Variants in MDGA2 observed in about 807,000 individuals in gnomAD.
MDGA2 encodes the protein MAM domain containing glycosylphosphatidylinositol anchor 2.
In MDGA2, 40 loss-of-function variants were observed where a neutral mutation model predicts 117.8. The ratio of observed to expected loss-of-function variants is 0.34; its 90% CI spans 0.26 to 0.44. The LOEUF (loss-of-function observed/expected upper bound fraction) is 0.44. Among genes scored for constraint, MDGA2 ranks in the 20% least tolerant of loss-of-function variants. The pLI, the probability that MDGA2 is intolerant of heterozygous loss-of-function variation, is 1.00. For missense variants in MDGA2, 1,123 were observed against 1,250.6 expected, an observed-to-expected ratio of 0.90 and a Z score of 1.54; for synonymous variants, 452 against 439.0, an observed-to-expected ratio of 1.03 and a Z score of -0.37.
chr14:47,108,946 T>A (rs879433123), intron 5 of MDGA2, among the ~76,000 whole-genome samples: 76 of 152,138 alleles, frequency 5.0e-4, no homozygotes, highest in Non-Finnish European at 9.3e-4. Context: ...TGACAAGGTA[T>A]GATGAAGAAA....
intron 1 of MDGA2, among the ~76,000 whole-genome samples, chr14:47,565,093 T>C (rs1245120393): frequency 6.6e-6 from 1 of 152,166 alleles, no homozygotes; most frequent in South Asian, 2.1e-4. Flanking sequence ...CTATCTGTAT[T>C]CTGAATTCTG....
intron 13 of MDGA2, 147 bp from the exon 14 acceptor site, chr14:46,873,738 G>T: frequency 4.5e-6 from 3 of 667,712 alleles, no homozygotes; most frequent in Admixed American, 7.0e-5. Flanking sequence ...ATGTGTATAT[G>T]TAACTAATAG....
rs373399155 is a variant in MDGA2, at chr14:47,108,405, G to C, written c.926-11282C>G. On this transcript the variant is annotated intron_variant, in intron 5 of 16. Coordinates refer to ENST00000399232, the MANE Select transcript of MDGA2 (RefSeq NM_001113498.3). ...GGCCTGAAGTAACTGAAGAATCACAGAAGAAGTGAATATGCCTTGCCCCAC... is the reference window on the plus strand; with the variant it reads ...GGCCTGAAGTAACTGAAGAATCACACAAGAAGTGAATATGCCTTGCCCCAC... Among the ~76,000 whole-genome samples, 105 of 150,804 alleles carry C rather than the reference G, an allele frequency of 7.0e-4. 2 individuals carry two copies. The highest frequency in any genetic ancestry group is 2.4e-3 in the African/African-American group (99 of 40,664).
chr14:47,348,654 C>G (rs888590267), intron 1 of MDGA2, among the ~76,000 whole-genome samples: 3 of 152,068 alleles, frequency 2.0e-5, no homozygotes, highest in Non-Finnish European at 4.4e-5. Flanking sequence ...TAGAAAGGAA[C>G]AGAATACCTC....
At chr14:47,128,855 C>T (rs772404085) in intron 5 of MDGA2, among the ~76,000 whole-genome samples, 6 of 151,896 alleles carry the variant, frequency 4.0e-5, no homozygotes, top group Admixed American at 1.3e-4. Context: ...CCACCATGCC[C>T]GGCTAATGTT....
At chr14:47,018,374 G>C (rs1339362655) in intron 8 of MDGA2, among the ~76,000 whole-genome samples, 3 of 152,028 alleles carry the variant, frequency 2.0e-5, no homozygotes, top group Non-Finnish European at 4.4e-5. Flanking sequence ...AAGAAAAGTT[G>C]CTTCTGCAGA....
intron 10 of MDGA2, among the ~76,000 whole-genome samples, chr14:46,899,051 A>G (rs770628647): frequency 7.2e-5 from 11 of 152,036 alleles, no homozygotes; most frequent in African/African-American, 1.2e-4. Context: ...CGCAGCCGCT[A>G]ATGGAAAGGG....
chr14:47,580,464 G>A (rs1896209339), intron 1 of MDGA2, among the ~76,000 whole-genome samples: 1 of 151,896 alleles, frequency 6.6e-6, no homozygotes, highest in Non-Finnish European at 1.5e-5. Context: ...AATTTTGAGG[G>A]TATACAAATA....
chr14:47,666,834 T>TTCA (rs1372050635), intron 1 of MDGA2, among the ~76,000 whole-genome samples: 1 of 152,080 alleles, frequency 6.6e-6, no homozygotes, highest in African/African-American at 2.4e-5. Flanking sequence ...TCTACACAGC[T>TTCA]TCACTCCTGA....
chr14:47,098,808 C>T (rs1047952702), intron 5 of MDGA2, among the ~76,000 whole-genome samples: 3 of 151,916 alleles, frequency 2.0e-5, no homozygotes, highest in South Asian at 2.1e-4. Context: ...CCATTAACAG[C>T]ATATATTTGG....
At chr14:47,011,644 T>C (rs1039354055) in intron 8 of MDGA2, among the ~76,000 whole-genome samples, 16 of 151,990 alleles carry the variant, frequency 1.1e-4, no homozygotes, top group Admixed American at 3.9e-4. Flanking sequence ...TTTAATGACA[T>C]GTTGACAAAA....
intron 1 of MDGA2, among the ~76,000 whole-genome samples, chr14:47,492,763 T>A (rs1200027475): frequency 1.3e-5 from 2 of 152,110 alleles, no homozygotes; most frequent in Non-Finnish European, 1.5e-5. Flanking sequence ...CAAGAAATTT[T>A]TTTTACTGTC....
chr14:47,299,015 AG>A (rs1419090992), intron 2 of MDGA2, among the ~76,000 whole-genome samples: 1 of 152,128 alleles, frequency 6.6e-6, no homozygotes, highest in African/African-American at 2.4e-5. Flanking sequence ...GGGCAATATA[AG>A]CTGAAACTGA....
In MDGA2 at chr14:47,056,020, G is replaced by C. The variant is rs1889662563; in HGVS notation, c.1525+5229C>G. On this transcript the variant is annotated intron_variant, in intron 7 of 16. Transcript: ENST00000399232. ...CTAATTACATAACTTTTGATTGCAG[G>C]GTAGCTTCCTCTGATCAAAGCTCTG... Among the ~76,000 whole-genome samples the C allele has an allele frequency of 3.3e-5, 5 of 152,100 alleles. 1 individual carries two copies. In the Middle Eastern group the frequency reaches 0.01, roughly 310 times the overall value.
At chr14:47,308,854 G>A (rs1889544207) in intron 1 of MDGA2, among the ~76,000 whole-genome samples, 1 of 152,060 alleles carries the variant, frequency 6.6e-6, no homozygotes, top group African/African-American at 2.4e-5. Flanking sequence ...AAAGAACAGG[G>A]CAGGAAAATA....
chr14:47,590,727 A>C (rs138076142), intron 1 of MDGA2, among the ~76,000 whole-genome samples: 1 of 152,124 alleles, frequency 6.6e-6, no homozygotes, highest in African/African-American at 2.4e-5. Context: ...ATTATTGTAC[A>C]TTGTATGCCT....
intron 10 of MDGA2, among the ~76,000 whole-genome samples, chr14:46,908,420 A>T (rs1883579260): frequency 6.6e-6 from 1 of 152,170 alleles, no homozygotes; most frequent in African/African-American, 2.4e-5. Context: ...TTGAGATAGA[A>T]AATTTAAAAT....
At position 47,094,963 on chromosome 14, in the gene MDGA2, T is replaced by A. The variant is rs192072227; in HGVS notation, c.1195+1891A>T. Among the ~76,000 whole-genome samples the A allele has an allele frequency of 4.6e-3, 699 of 152,114 alleles. 3 individuals carry two copies. Among genetic ancestry groups the A allele is most frequent in the African/African-American group, 0.016 (664 of 41,548 alleles). On this transcript the variant is annotated intron_variant, in intron 6 of 16. Transcript: ENST00000399232. Reference sequence around the variant, plus strand: ...ATTTTAAAAATAAAAGTTGGATACTTCCATTGTGAATTCTTTGTTTTCTAT... The same window carrying A: ...ATTTTAAAAATAAAAGTTGGATACTACCATTGTGAATTCTTTGTTTTCTAT...
intron 16 of MDGA2, among the ~76,000 whole-genome samples, chr14:46,844,043 C>T (rs937387752): frequency 1.3e-5 from 2 of 152,032 alleles, no homozygotes; most frequent in African/African-American, 4.8e-5. Context: ...ATACATAATT[C>T]TAAATCTTTG....
Sources: allele counts gnomAD v4.1 joint callset (sites outside exome capture counted in the v4.1 genomes callset), GRCh38; gene constraint gnomAD v4.1.1; transcripts MANE v1.5; gene names NCBI Gene and HGNC (gene_info 2026-07-23, HGNC 2026-07-21).